The following OIP5 variants were observed in gnomAD, a reference collection of about 807,000 sequenced individuals.
OIP5 encodes the protein Opa interacting protein 5, also known as protein Mis18-beta.
OIP5 carries 24 observed loss-of-function variants against 20.3 expected under a neutral mutation model. The observed-to-expected ratio is 1.18, with a 90% CI of 0.86 to 1.66. The LOEUF is 1.66. Ranked by LOEUF, OIP5 falls within the 40% of genes most tolerant of loss-of-function variation. The probability of loss-of-function intolerance (pLI) is 0.00; values close to 1 mark genes in which losing one functional copy is unlikely to be tolerated. For missense variants in OIP5, 339 were observed against 289.5 expected (o/e 1.17, Z -1.24); for synonymous variants, 143 against 121.3 (o/e 1.18, Z -1.17).
At chr15:41,320,868 A>G (rs1384826621) in intron 2 of OIP5, among the ~76,000 whole-genome samples, 3 of 141,692 alleles carry the variant, frequency 2.1e-5, no homozygotes, top group Non-Finnish European at 3.1e-5. Context: ...CATCCCATCT[A>G]GGAAGTGAGG....
intron 2 of OIP5, among the ~76,000 whole-genome samples, chr15:41,321,284 C>T (rs1226106277): frequency 1.3e-5 from 2 of 148,554 alleles, no homozygotes; most frequent in Admixed American, 1.3e-4. Context: ...CCAGCCGTCC[C>T]GTCCTGGAGG....
At position 41,309,513 on chromosome 15, in the gene OIP5, G is replaced by T; in HGVS notation, c.*241C>A. On this transcript the variant is annotated 3_prime_UTR_variant, in exon 5 of 5. Coordinates refer to ENST00000220514, the MANE Select transcript of OIP5 (RefSeq NM_007280.2). Reference sequence around the variant, plus strand: ...AGACATTTTCAGAGATAAGTATTATGAATTCAATAAGAATCTAAAGTAAGT... The same window carrying T: ...AGACATTTTCAGAGATAAGTATTATTAATTCAATAAGAATCTAAAGTAAGT... The T allele has an allele frequency of 2.9e-6, 1 of 343,228 alleles. No homozygotes were observed. The highest frequency in any genetic ancestry group is 5.3e-6 in the Non-Finnish European group (1 of 187,704). The allele number at this position is 343,228 out of a possible 1,614,324, so 21.3% of individuals were successfully genotyped here.
At chr15:41,321,126 G>A (rs1472487413) in intron 2 of OIP5, among the ~76,000 whole-genome samples, 6 of 149,128 alleles carry the variant, frequency 4.0e-5, no homozygotes, top group South Asian at 2.1e-4. Context: ...GTCTCCGCCC[G>A]GCAGCCACCC....
intron 4 of OIP5, among the ~76,000 whole-genome samples, chr15:41,310,974 G>T (rs190920455): frequency 6.6e-6 from 1 of 152,318 alleles, no homozygotes; most frequent in African/African-American, 2.4e-5. Context: ...GGCAAGAGCA[G>T]TGGCTTCTGA....
At chr15:41,314,508 G>A (rs550506923) in intron 3 of OIP5, among the ~76,000 whole-genome samples, 102 of 152,048 alleles carry the variant, frequency 6.7e-4, no homozygotes, top group African/African-American at 2.3e-3. Flanking sequence ...GGCCAACAAG[G>A]GTAAGAAAAT....
intron 4 of OIP5, among the ~76,000 whole-genome samples, chr15:41,310,809 A>G (rs1041838393): frequency 2.0e-5 from 3 of 152,232 alleles, no homozygotes; most frequent in African/African-American, 7.2e-5. Context: ...CTTTGTTAAC[A>G]GTAACAAATG....
At chr15:41,317,836 A>T (rs1567025214) in intron 3 of OIP5, among the ~76,000 whole-genome samples, 1 of 152,006 alleles carries the variant, frequency 6.6e-6, no homozygotes, top group Non-Finnish European at 1.5e-5. Flanking sequence ...ACACCACCAT[A>T]CACAGTTAAT....
chr15:41,313,030 A>G (rs999788567), intron 4 of OIP5, among the ~76,000 whole-genome samples: 2 of 152,230 alleles, frequency 1.3e-5, no homozygotes, highest in African/African-American at 4.8e-5. Context: ...GATGATATCC[A>G]TTCCCAGCAC....
chr15:41,327,600 C>T (rs370415919), intron 2 of OIP5, among the ~76,000 whole-genome samples: 820 of 149,490 alleles, frequency 5.5e-3, no homozygotes, highest in African/African-American at 0.02. Flanking sequence ...CCATCCTGGC[C>T]AACATGGTGA....
At chr15:41,318,738 A>G (rs1037607514) in intron 3 of OIP5, among the ~76,000 whole-genome samples, 7 of 149,760 alleles carry the variant, frequency 4.7e-5, no homozygotes, top group Non-Finnish European at 5.9e-5. Flanking sequence ...TTTGTCACCC[A>G]AAGTGGAATG....
At chr15:41,325,954 G>A (rs1306923892) in intron 2 of OIP5, among the ~76,000 whole-genome samples, 1 of 152,028 alleles carries the variant, frequency 6.6e-6, no homozygotes, top group Non-Finnish European at 1.5e-5. Flanking sequence ...TTGAGGTCAG[G>A]AGTTCAGGAC....
Position 41,309,782 on chromosome 15 carries a change from G to A in OIP5, c.662C>T (p.Thr221Ile), listed in dbSNP as rs1032047252. Residue 221 changes from threonine to isoleucine, a missense_variant, in exon 5 of 5, where the codon ACT (threonine) becomes ATT (isoleucine). Transcript: ENST00000220514. ...KSLMKILSEV[T>I]PDQSKPEN ...GTTTTCTGGCTTGGACTGGTCAGGA[G>A]TCACTTCACTCAGAATCTTCATTAG... is the stretch of plus-strand genomic sequence containing the variant. 6.2e-7 allele frequency: 1 copy of A among 1,613,862 alleles called. No homozygotes were observed.
intron 3 of OIP5, among the ~76,000 whole-genome samples, chr15:41,316,013 A>C (rs2047786830): frequency 6.6e-6 from 1 of 152,078 alleles, no homozygotes; most frequent in Admixed American, 6.6e-5. Flanking sequence ...CTGTAGTCCC[A>C]GCTACTCGGG....
chr15:41,316,218 G>A (rs1411852717), intron 3 of OIP5, among the ~76,000 whole-genome samples: 1 of 152,170 alleles, frequency 6.6e-6, no homozygotes, highest in African/African-American at 2.4e-5. Context: ...AGCCCAGGCA[G>A]GAGAATCACT....
Position 41,318,173 on chromosome 15 carries a change from T to C in OIP5, c.512+1485A>G, listed in dbSNP as rs567136185. Among the ~76,000 whole-genome samples the C allele has an allele frequency of 8.5e-5, 13 of 152,326 alleles. No individual in the cohort carries two copies. The South Asian group carries it at 1.0e-3, about 12-fold the overall frequency. On this transcript the variant is annotated intron_variant, in intron 3 of 4. Transcript: ENST00000220514. ...TCTTTTTATCTTTTATTTATTTTTATTTTTTCTGAGACAGAGTCTAGCTCT... is the reference window on the plus strand; with the variant it reads ...TCTTTTTATCTTTTATTTATTTTTACTTTTTCTGAGACAGAGTCTAGCTCT...
In OIP5 at chr15:41,332,337, G is replaced by A. The variant is rs747959991; in HGVS notation, c.225C>T (p.Cys75=). 7.4e-6 allele frequency: 12 copies of A among 1,611,826 alleles called. No individual in the cohort carries two copies. In the African/African-American group the frequency reaches 1.2e-4, roughly 16 times the overall value. ...QLPSWLQPER[C]AVFQCAQCHA... is the part of the protein sequence containing the mutation. ...GACACTGTGCGCACTGGAACACAGC[G>A]CACCTCTCAGGCTGCAGCCAAGACG... is the stretch of plus-strand genomic sequence containing the variant. The change falls in exon 1 of 5, where the codon TGC becomes TGT. Residue 75 remains cysteine (C), a synonymous_variant. Coordinates refer to ENST00000220514, the MANE Select transcript of OIP5 (RefSeq NM_007280.2).
intron 3 of OIP5, among the ~76,000 whole-genome samples, chr15:41,315,734 G>C (rs925116603): frequency 1.3e-5 from 2 of 152,094 alleles, no homozygotes; most frequent in African/African-American, 4.8e-5. Context: ...TGCAATTATT[G>C]CTTCTCTAGA....
intron 3 of OIP5, among the ~76,000 whole-genome samples, chr15:41,317,631 C>T (rs1324097345): frequency 6.6e-6 from 1 of 151,966 alleles, no homozygotes; most frequent in Non-Finnish European, 1.5e-5. Flanking sequence ...CTGCCCACCT[C>T]GGCCTCCCAA....
chr15:41,316,769 G>A (rs1344872397), intron 3 of OIP5, among the ~76,000 whole-genome samples: 3 of 121,632 alleles, frequency 2.5e-5, no homozygotes, highest in Non-Finnish European at 4.7e-5. Flanking sequence ...CAGCCTGGGC[G>A]CCACAGCAAG....
Sources: allele counts gnomAD v4.1 joint callset (sites outside exome capture counted in the v4.1 genomes callset), GRCh38; gene constraint gnomAD v4.1.1; transcripts MANE v1.5; gene names NCBI Gene and HGNC (gene_info 2026-07-23, HGNC 2026-07-21).